The following CAMTA1 variants were observed in gnomAD, a reference collection of about 807,000 sequenced individuals.
CAMTA1 encodes the protein calmodulin-binding transcription activator 1.
A neutral mutation model predicts 170.9 loss-of-function variants in CAMTA1; 27 were observed. That is an observed-to-expected ratio of 0.16 (90% CI 0.12 to 0.22). The LOEUF (loss-of-function observed/expected upper bound fraction) is 0.22. Among genes scored for constraint, CAMTA1 ranks in the 10% least tolerant of loss-of-function variants. The probability of loss-of-function intolerance (pLI) is 1.00; values close to 1 mark genes in which losing one functional copy is unlikely to be tolerated. For missense variants in CAMTA1, 1,619 were observed against 2,217.2 expected (o/e 0.73, Z 5.42); for synonymous variants, 833 against 891.5 (o/e 0.93, Z 1.17).
At chr1:7,581,971 T>G (rs560412613) in intron 6 of CAMTA1, among the ~76,000 whole-genome samples, 9,107 of 152,236 alleles carry the variant, frequency 0.06, 789 homozygotes, top group African/African-American at 0.2. Flanking sequence ...TGTGATGATA[T>G]TCGTGTGCCG....
At chr1:7,491,420 C>G (rs1037384368) in intron 6 of CAMTA1, among the ~76,000 whole-genome samples, 1 of 152,226 alleles carries the variant, frequency 6.6e-6, no homozygotes, top group South Asian at 2.1e-4. Context: ...AACCCTGAAT[C>G]CCCCCGCCCA....
At chr1:7,198,130 G>A (rs1243049000) in intron 4 of CAMTA1, among the ~76,000 whole-genome samples, 4 of 152,020 alleles carry the variant, frequency 2.6e-5, no homozygotes, top group Non-Finnish European at 4.4e-5. Flanking sequence ...AGGATATTGG[G>A]GTGACCCAAA....
At chr1:6,797,574 A>G (rs1488927818) in intron 1 of CAMTA1, among the ~76,000 whole-genome samples, 1 of 151,476 alleles carries the variant, frequency 6.6e-6, no homozygotes, top group Non-Finnish European at 1.5e-5. Flanking sequence ...TTTAGCAGAG[A>G]CGGGGTTTTA....
intron 4 of CAMTA1, among the ~76,000 whole-genome samples, chr1:7,192,702 G>T (rs1654770401): frequency 6.6e-6 from 1 of 152,228 alleles, no homozygotes; most frequent in African/African-American, 2.4e-5. Context: ...TCACAACCCT[G>T]CAAGGTAAGA....
At chr1:7,621,192 C>A (rs1053050754) in intron 6 of CAMTA1, among the ~76,000 whole-genome samples, 3 of 152,178 alleles carry the variant, frequency 2.0e-5, no homozygotes, top group African/African-American at 7.2e-5. Context: ...GAGGTCCTCT[C>A]ATAGGGGCAA....
chr1:7,131,162 G>A (rs777920565), intron 4 of CAMTA1, among the ~76,000 whole-genome samples: 2 of 151,922 alleles, frequency 1.3e-5, no homozygotes, highest in Non-Finnish European at 2.9e-5. Flanking sequence ...CCATGTTGGC[G>A]AGGATGGTCT....
Position 7,293,780 on chromosome 1 carries a change from C to T in CAMTA1, c.438+44154C>T, listed in dbSNP as rs550385552. Among the ~76,000 whole-genome samples the T allele has an allele frequency of 8.7e-4, 132 of 152,322 alleles. No individual in the cohort carries two copies. Among genetic ancestry groups the T allele is most frequent in the South Asian group, 2.1e-3 (10 of 4,826 alleles). ...CTTGGTTCTTGTAATGTTGCTGCCT[C>T]CCGATGGCTGCCCAGGGTTTCCAGC... On this transcript the variant is annotated intron_variant, in intron 5 of 22. Transcript: ENST00000303635. This position sits in a 1 kb window ranked among gnomAD's most constrained non-coding sequence, Gnocchi z 4.1.
chr1:7,083,302 C>T (rs1182449888), intron 3 of CAMTA1, among the ~76,000 whole-genome samples: 1 of 152,238 alleles, frequency 6.6e-6, no homozygotes, highest in Non-Finnish European at 1.5e-5. Flanking sequence ...CTGCCACTTT[C>T]ATAAACTGTC....
At chr1:7,047,512 T>C (rs1451503793) in intron 3 of CAMTA1, among the ~76,000 whole-genome samples, 3 of 152,136 alleles carry the variant, frequency 2.0e-5, no homozygotes, top group African/African-American at 4.8e-5. Context: ...TTACCTTTCT[T>C]TCTCTCTTCT....
chr1:7,427,270 T>G (rs11120923), intron 5 of CAMTA1, among the ~76,000 whole-genome samples: 1 of 152,068 alleles, frequency 6.6e-6, no homozygotes, highest in East Asian at 1.9e-4. Flanking sequence ...ATTTGTACAT[T>G]GTGAATTCCA....
At chr1:7,462,038 T>C (rs1213745533) in intron 5 of CAMTA1, among the ~76,000 whole-genome samples, 3 of 152,244 alleles carry the variant, frequency 2.0e-5, no homozygotes, top group Non-Finnish European at 4.4e-5. Flanking sequence ...TGGGAATTTT[T>C]TGAAGGACGA....
chr1:7,321,600 CCTT>C, intron 5 of CAMTA1, among the ~76,000 whole-genome samples: 1 of 152,242 alleles, frequency 6.6e-6, no homozygotes, highest in South Asian at 2.1e-4. Context: ...CCCTTTAATC[CCTT>C]CTTCTGCAAG....
chr1:7,676,398 GGACAATGGCAA>G (rs1177134193), intron 10 of CAMTA1, among the ~76,000 whole-genome samples: 3 of 152,222 alleles, frequency 2.0e-5, no homozygotes, highest in African/African-American at 7.2e-5. Context: ...CCTTCCCTGG[GGACAATGGCAA>G]GATGGCTGCT....
chr1:7,732,212 A>G lies in CAMTA1; in HGVS notation c.2915-236A>G, dbSNP rs1392965376. 6.6e-6 allele frequency among the ~76,000 whole-genome samples: 1 copy of G among 152,172 alleles called. No homozygotes were observed. Among genetic ancestry groups the G allele is most frequent in the African/African-American group, 2.4e-5 (1 of 41,428 alleles). ...TGAACCTCTTTTTGATCTTTGACAA[A>G]AAGAGAATTTCTGGTCTTTTATCCG... On this transcript the variant is annotated intron_variant, in intron 11 of 22. Coordinates refer to ENST00000303635, the MANE Select transcript of CAMTA1 (RefSeq NM_015215.4). The surrounding 1 kb of genome is among the most constrained non-coding windows in gnomAD (Gnocchi z 4.1).
intron 6 of CAMTA1, among the ~76,000 whole-genome samples, chr1:7,476,121 G>A (rs759940415): frequency 6.6e-6 from 1 of 152,210 alleles, no homozygotes; most frequent in Non-Finnish European, 1.5e-5. Flanking sequence ...CACACCTTTG[G>A]CCGCCACAGC....
chr1:7,499,081 G>A (rs2093910858), intron 6 of CAMTA1, among the ~76,000 whole-genome samples: 1 of 149,778 alleles, frequency 6.7e-6, no homozygotes. Context: ...ATATGAGTGT[G>A]TGTGTGCATG....
intron 22 of CAMTA1, among the ~76,000 whole-genome samples, chr1:7,758,716 A>G (rs2096950606): frequency 6.6e-6 from 1 of 152,104 alleles, no homozygotes; most frequent in African/African-American, 2.4e-5. Flanking sequence ...CGGGCGGATC[A>G]CGAGGTCAGG....
At chr1:7,242,804 A>AAATC (rs1329517977) in intron 4 of CAMTA1, among the ~76,000 whole-genome samples, 4 of 110,178 alleles carry the variant, frequency 3.6e-5, no homozygotes, top group African/African-American at 8.9e-5. Context: ...ATAAATAAAT[A>AAATC]AATAAAAATT....
intron 6 of CAMTA1, among the ~76,000 whole-genome samples, chr1:7,595,199 G>C (rs1198681630): frequency 6.6e-6 from 1 of 152,136 alleles, no homozygotes. Flanking sequence ...TCATCATATT[G>C]ATCCAAAAGA....
Sources: gnomAD v4.1 joint callset for allele counts (sites outside exome capture counted in the v4.1 genomes callset) on GRCh38, gnomAD v4.1.1 for gene constraint, Gnocchi (gnomAD v3.1) non-coding constraint, MANE v1.5 for transcripts, NCBI Gene and HGNC (gene_info 2026-07-23, HGNC 2026-07-21) for gene names.